Variants in ABCA9 observed in about 807,000 individuals in gnomAD.
ABCA9 encodes the protein ATP binding cassette subfamily A member 9, also known as ATP-binding cassette sub-family A member 9.
A neutral mutation model predicts 205.3 loss-of-function variants in ABCA9; 183 were observed. The observed-to-expected ratio is 0.89, with a 90% CI of 0.79 to 1.01. The LOEUF is 1.01. ABCA9 is among the 50% of genes least tolerant of loss of function. ABCA9 has a pLI of 0.00. For missense variants in ABCA9, 1,805 were observed against 1,912.4 expected (o/e 0.94, Z 1.05); for synonymous variants, 651 against 683.3 (o/e 0.95, Z 0.74).
chr17:69,041,044 G>A (rs939492560), intron 6 of ABCA9, among the ~76,000 whole-genome samples: 1 of 152,084 alleles, frequency 6.6e-6, no homozygotes, highest in Non-Finnish European at 1.5e-5. Flanking sequence ...GTTTTTTCTG[G>A]TGGAAAACAG....
intron 1 of ABCA9, among the ~76,000 whole-genome samples, chr17:69,052,186 C>A (rs1257114087): frequency 6.6e-6 from 1 of 152,024 alleles, no homozygotes; most frequent in Non-Finnish European, 1.5e-5. Context: ...GCCTGGGCAA[C>A]AAAGTGAGAC....
At chr17:69,021,714 T>C in intron 18 of ABCA9, 28 bp downstream of exon 18, 2 of 1,404,738 alleles carry the variant, frequency 1.4e-6, no homozygotes, top group Non-Finnish European at 2.0e-6. Context: ...TCTTTCTCCC[T>C]TTCTTTCTCT....
At chr17:68,999,726 C>A (rs924701026) in intron 25 of ABCA9, among the ~76,000 whole-genome samples, 12 of 152,100 alleles carry the variant, frequency 7.9e-5, no homozygotes, top group African/African-American at 2.2e-4. Context: ...TGGTTGAACT[C>A]GTTTATAGTC....
chr17:69,019,063 T>C (rs1321513056), intron 19 of ABCA9, among the ~76,000 whole-genome samples: 1 of 152,142 alleles, frequency 6.6e-6, no homozygotes, highest in Non-Finnish European at 1.5e-5. Context: ...TATTTTCTAA[T>C]ATTTGGAAAT....
At chr17:69,015,570 C>A (rs766732721) in intron 22 of ABCA9, among the ~76,000 whole-genome samples, 2 of 152,084 alleles carry the variant, frequency 1.3e-5, no homozygotes, top group Non-Finnish European at 1.5e-5. Context: ...TCTTTTGATG[C>A]ATCCCAAGAA....
chr17:69,008,260 C>T (rs1049177399), intron 23 of ABCA9, 25 bp from the exon 24 acceptor site: 1 of 1,606,094 alleles, frequency 6.2e-7, no homozygotes. Context: ...GAAGAATCAT[C>T]AAAAGGTTCT....
chr17:69,047,184 T>C (rs2071747122), intron 3 of ABCA9, among the ~76,000 whole-genome samples: 1 of 151,118 alleles, frequency 6.6e-6, no homozygotes, highest in Non-Finnish European at 1.5e-5. Context: ...TTAGAACTCC[T>C]GACCTAAGAT....
At chr17:69,073,784 A>T in the ABCA9 span, among the ~76,000 whole-genome samples, 3 of 151,888 alleles carry the variant, frequency 2.0e-5, no homozygotes, top group Non-Finnish European at 4.4e-5. Context: ...ACAGCCTTAA[A>T]CTCCTGGGCT....
intron 31 of ABCA9, 137 bp from the exon 32 acceptor site, chr17:68,986,461 T>C (rs1240223250): frequency 1.2e-6 from 1 of 835,522 alleles, no homozygotes; most frequent in East Asian, 3.1e-5. Flanking sequence ...AGTAATCACT[T>C]AACTTTGGGG....
chr17:69,025,686 A>T (rs1450885097), intron 16 of ABCA9, among the ~76,000 whole-genome samples: 2 of 152,198 alleles, frequency 1.3e-5, no homozygotes, highest in African/African-American at 4.8e-5. Context: ...ATCATTTTTT[A>T]AAAAATATCT....
In ABCA9 at chr17:69,045,190, C is replaced by G; in HGVS notation, c.451G>C (p.Glu151Gln). 6.2e-7 allele frequency: 1 copy of G among 1,612,800 alleles called. No individual in the cohort carries two copies. The part of the protein sequence containing the change: ...SWGHRIPMMK[E>Q]HRDHSAHCQA... ...AAGTTACCTGAATGGTCTCTGTGCT[C>G]TTTCATCATGGGGATTCTATGTCCC... The change falls in exon 4 of 39, where the codon GAG becomes CAG. Residue 151 changes from glutamate (E) to glutamine (Q), a missense_variant. Physicochemically the swap from Glu to Gln is conservative, Grantham distance 29. Coordinates refer to ENST00000340001, the MANE Select transcript of ABCA9 (RefSeq NM_080283.4).
rs1165515676 is a variant in ABCA9, at chr17:69,026,357, T to G, written c.2141+20A>C. ...CATTTTCAGCATCTGTCAACACGTC[T>G]CCAACATTCAGGGCTGTACCTTAAA... On this transcript the variant is annotated intron_variant, in intron 16 of 38. Transcript: ENST00000340001. 6.3e-7 allele frequency: 1 copy of G among 1,599,984 alleles called. No individual in the cohort carries two copies. Among genetic ancestry groups the G allele is most frequent in the East Asian group, 2.2e-5 (1 of 44,772 alleles).
In ABCA9 at chr17:69,032,187, T is replaced by G; in HGVS notation, c.1366A>C (p.Asn456His). The stretch of plus-strand genomic sequence containing the variant: ...GGTGTAGGATCAGAATCTGTTTCAT[T>G]CTCAAGGACCACATGATTAGCCCTT... Reference protein sequence around the residue: ...HGRANHVVLENETDSDPTPND... With the variant: ...HGRANHVVLEHETDSDPTPND... The change falls in exon 10 of 39, where the codon AAT becomes CAT. Residue 456 changes from asparagine to histidine, a missense_variant. Physicochemically the swap from Asn to His is moderately conservative, Grantham distance 68 (BLOSUM62 1). Coordinates refer to ENST00000340001, the MANE Select transcript of ABCA9 (RefSeq NM_080283.4). The G allele has an allele frequency of 6.2e-7, 1 of 1,614,020 alleles. No homozygotes were observed. The highest frequency in any genetic ancestry group is 8.5e-7 in the Non-Finnish European group (1 of 1,179,948).
In ABCA9 at chr17:69,043,447, G is replaced by A. The variant is rs755740016; in HGVS notation, c.800+42C>T. ...AGGAGTCAACCAGCTAAGTTGTTCTGTTTGTTTATGCTGTATAATGGATTG... is the reference window on the plus strand; with the variant it reads ...AGGAGTCAACCAGCTAAGTTGTTCTATTTGTTTATGCTGTATAATGGATTG... On this transcript the variant is annotated intron_variant, in intron 6 of 38. Coordinates refer to ENST00000340001, the MANE Select transcript of ABCA9 (RefSeq NM_080283.4). 2.0e-6 allele frequency: 3 copies of A among 1,465,064 alleles called. No individual in the cohort carries two copies. In the South Asian group the frequency reaches 4.1e-5, roughly 20 times the overall value. 90.8% of individuals were successfully genotyped at this position (1,465,064 alleles called of 1,614,324 possible). A position where few individuals can be genotyped will look rare whatever the true frequency, so the allele number is the denominator to read the frequency against.
At chr17:69,058,183 G>A (rs1010252798) in intron 1 of ABCA9, among the ~76,000 whole-genome samples, 1 of 152,148 alleles carries the variant, frequency 6.6e-6, no homozygotes, top group Non-Finnish European at 1.5e-5. Flanking sequence ...TGGAGCACAA[G>A]GCCAGTTGAC....
At chr17:69,011,646 AC>A (rs1290214025) in intron 23 of ABCA9, among the ~76,000 whole-genome samples, 1 of 152,170 alleles carries the variant, frequency 6.6e-6, no homozygotes, top group East Asian at 1.9e-4. Context: ...TAGCTTTAGC[AC>A]CATCTGGAAA....
upstream of ABCA9, among the ~76,000 whole-genome samples, chr17:69,063,381 G>C (rs1357130464): frequency 6.6e-6 from 1 of 152,178 alleles, no homozygotes; most frequent in African/African-American, 2.4e-5. Flanking sequence ...CAAGACCTGT[G>C]TGCAGCCCTT....
intron 37 of ABCA9, among the ~76,000 whole-genome samples, chr17:68,977,429 T>C (rs908133611): frequency 2.6e-5 from 4 of 152,342 alleles, no homozygotes; most frequent in East Asian, 1.9e-4. Flanking sequence ...TATTATCTCT[T>C]CTTTTTTCCA....
chr17:69,040,102 TTGG>T (rs1388897786), intron 6 of ABCA9, among the ~76,000 whole-genome samples: 5 of 152,180 alleles, frequency 3.3e-5, no homozygotes, highest in Non-Finnish European at 7.3e-5. Context: ...TTTTATATTG[TTGG>T]TGGGAGTGTA....
Sources: allele counts gnomAD v4.1 joint callset (sites outside exome capture counted in the v4.1 genomes callset), GRCh38; gene constraint gnomAD v4.1.1; transcripts MANE v1.5; gene names NCBI Gene and HGNC (gene_info 2026-07-23, HGNC 2026-07-21).